The following CCDC13 variants were observed in gnomAD, a reference collection of about 807,000 sequenced individuals.
CCDC13 encodes coiled-coil domain containing 13.
In CCDC13, 70 loss-of-function variants were observed where a neutral mutation model predicts 87.3. The ratio of observed to expected loss-of-function variants is 0.80; its 90% confidence interval spans 0.66 to 0.98. CCDC13 has a LOEUF of 0.98. Ranked by LOEUF, CCDC13 falls within the 50% of genes least tolerant of loss-of-function variation. The pLI is 0.00. For missense variants in CCDC13, 842 were observed against 892.0 expected, an observed-to-expected ratio of 0.94 and a Z score of 0.71; for synonymous variants, 317 against 360.3, an observed-to-expected ratio of 0.88 and a Z score of 1.36.
chr3:42,768,060 C>T (rs762594988), intron 1 of CCDC13, among the ~76,000 whole-genome samples: 3 of 150,754 alleles, frequency 2.0e-5, no homozygotes, highest in Non-Finnish European at 4.4e-5. Context: ...ATCAATGAAA[C>T]CAAATAAAGA....
chr3:42,758,180 C>T lies in CCDC13; in HGVS notation c.166G>A (p.Gly56Ser). 3.1e-6 allele frequency: 5 copies of T among 1,614,088 alleles called. No homozygotes were observed. Among genetic ancestry groups the T allele is most frequent in the Non-Finnish European group, 4.2e-6 (5 of 1,180,032 alleles). The stretch of plus-strand genomic sequence containing the variant: ...TCCCCTGCGTGGAGAAGGCTGAGGC[C>T]ATCTGAAACCTCCAAGGGCTCCTCT... ...DQEEPLEVSD[G>S]LSLLHAGEPN... Residue 56 changes from glycine to serine, a missense_variant, in exon 2 of 16, where the codon GGC becomes AGC. Coordinates refer to ENST00000310232, the MANE Select transcript of CCDC13 (RefSeq NM_144719.4).
chr3:42,739,583 C>G, intron 9 of CCDC13, 51 bp downstream of exon 9: 2 of 1,574,674 alleles, frequency 1.3e-6, no homozygotes, highest in East Asian at 2.2e-5. Flanking sequence ...GGGGCCCATC[C>G]TTTGAGGAAC....
At chr3:42,740,804 C>T (rs556653123) in intron 8 of CCDC13, among the ~76,000 whole-genome samples, 1 of 152,266 alleles carries the variant, frequency 6.6e-6, no homozygotes, top group East Asian at 1.9e-4. Flanking sequence ...CAGTGGGTGA[C>T]ATCACCTGCT....
Position 42,708,734 on chromosome 3 carries a change from TG to T in CCDC13, c.*245del. 1 of 409,994 alleles carries T rather than the reference TG, an allele frequency of 2.4e-6. No individual in the cohort carries two copies. Among genetic ancestry groups the T allele is most frequent in the Non-Finnish European group, 4.3e-6 (1 of 232,868 alleles). The allele number at this position is 409,994 out of a possible 1,614,324, so 25.4% of individuals were successfully genotyped here. On this transcript the variant is annotated 3_prime_UTR_variant, in exon 16 of 16. Coordinates refer to ENST00000310232, the MANE Select transcript of CCDC13 (RefSeq NM_144719.4). The stretch of plus-strand genomic sequence containing the variant: ...GCTCTCGCCTCTGCCAGTGGGCTGC[TG>T]GGCCTCCCTGCTGCTGTAACCCAGC...
At chr3:42,758,633 C>T (rs1420369081) in intron 1 of CCDC13, among the ~76,000 whole-genome samples, 3 of 152,190 alleles carry the variant, frequency 2.0e-5, no homozygotes, top group Non-Finnish European at 4.4e-5. Context: ...TCCCTTAAAT[C>T]AATGGTTCTC....
intron 3 of CCDC13, among the ~76,000 whole-genome samples, chr3:42,755,976 G>C (rs571378037): frequency 6.6e-6 from 1 of 152,308 alleles, no homozygotes; most frequent in African/African-American, 2.4e-5. Flanking sequence ...TCCTTAGCCA[G>C]GCTTTGTGTT....
At chr3:42,758,012 C>T in intron 2 of CCDC13, 113 bp downstream of exon 2, 1 of 840,592 alleles carries the variant, frequency 1.2e-6, no homozygotes, top group Non-Finnish European at 1.8e-6. Flanking sequence ...CTCTAAGCTT[C>T]CTTCTATCAC....
At chr3:42,766,391 A>G (rs1699933167) in intron 1 of CCDC13, among the ~76,000 whole-genome samples, 1 of 151,862 alleles carries the variant, frequency 6.6e-6, no homozygotes, top group Admixed American at 6.6e-5. Flanking sequence ...GGAAGAAGAG[A>G]CAGCTGGAAG....
chr3:42,715,353 C>T (rs1698406877), intron 13 of CCDC13, among the ~76,000 whole-genome samples: 1 of 151,422 alleles, frequency 6.6e-6, no homozygotes, highest in African/African-American at 2.4e-5. Context: ...CACGATGGCT[C>T]ACGCCTGTGC....
chr3:42,726,510 A>T (rs1698692528), intron 13 of CCDC13, among the ~76,000 whole-genome samples: 1 of 152,226 alleles, frequency 6.6e-6, no homozygotes, highest in Non-Finnish European at 1.5e-5. Flanking sequence ...TAAGTCTAAC[A>T]TATATGGACT....
intron 3 of CCDC13, among the ~76,000 whole-genome samples, chr3:42,754,057 C>A (rs1559658565): frequency 6.6e-6 from 1 of 152,196 alleles, no homozygotes; most frequent in South Asian, 2.1e-4. Flanking sequence ...CAGAGGTGGT[C>A]AGATGGTCTG....
intron 3 of CCDC13, among the ~76,000 whole-genome samples, chr3:42,754,533 G>C (rs549331952): frequency 6.6e-6 from 1 of 152,304 alleles, no homozygotes; most frequent in African/African-American, 2.4e-5. Context: ...GCAGAGGTCT[G>C]GTTCTGGTTA....
rs747882392 is a variant in CCDC13 at position 42,739,661 on chromosome 3, A to T, written c.1137T>A (p.His379Gln). The change falls in exon 9 of 16, where the codon CAT becomes CAA. Residue 379 changes from histidine to glutamine, a missense_variant. His to Gln is a conservative substitution (Grantham distance 24). Coordinates refer to ENST00000310232, the MANE Select transcript of CCDC13 (RefSeq NM_144719.4). ...QMGTLVEKGR[H>Q]DDELIDALMD... ...TGAGGGCGTCGATGAGCTCGTCATC[A>T]TGCCGGCCCTTCTCCACCAGGGTTC... The T allele has an allele frequency of 5.0e-6, 8 of 1,614,148 alleles. No individual in the cohort carries two copies. The highest frequency in any genetic ancestry group is 1.7e-5 in the Admixed American group (1 of 60,010).
intron 1 of CCDC13, among the ~76,000 whole-genome samples, chr3:42,762,008 G>A (rs867084626): frequency 2.6e-5 from 4 of 152,190 alleles, no homozygotes; most frequent in Non-Finnish European, 5.9e-5. Context: ...CCCAGAGCCT[G>A]TACCCAGTTA....
At chr3:42,770,989 T>G (rs1335719058) in intron 1 of CCDC13, 1 of 152,242 alleles carries the variant, frequency 6.6e-6, no homozygotes, top group Non-Finnish European at 1.5e-5. Context: ...GTTCTTGAAG[T>G]CAGTGAGACC....
chr3:42,770,180 T>TATCTA (rs1700035077), intron 1 of CCDC13, among the ~76,000 whole-genome samples: 1 of 152,194 alleles, frequency 6.6e-6, no homozygotes, highest in South Asian at 2.1e-4. Flanking sequence ...GGATTGTGAG[T>TATCTA]GCACCAATCA....
In CCDC13 at chr3:42,745,949, G is replaced by T; in HGVS notation, c.799C>A (p.Gln267Lys). ...TTGCTCTGCAAAACAAGAATTTGTT[G>T]AGCCCGACCCCTCCAGGTCCCTGGC... ...SSPGTWRGRA[Q>K]QILVLQSKVQ... The change falls in exon 7 of 16, where the codon CAA becomes AAA. Residue 267 changes from glutamine (Q) to lysine (K), a missense_variant. Gln to Lys is a moderately conservative substitution (Grantham distance 53, BLOSUM62 1). Transcript: ENST00000310232. 6.2e-7 allele frequency: 1 copy of T among 1,614,052 alleles called. No homozygotes were observed. The highest frequency in any genetic ancestry group is 8.5e-7 in the Non-Finnish European group (1 of 1,179,942).
chr3:42,722,043 C>T (rs1255746639), intron 13 of CCDC13, among the ~76,000 whole-genome samples: 1 of 152,198 alleles, frequency 6.6e-6, no homozygotes, highest in Non-Finnish European at 1.5e-5. Context: ...ATTTTACTTA[C>T]CTTGCTTTAC....
rs899743227 is a variant in CCDC13 at position 42,733,675 on chromosome 3, GGAT to G, written c.1372-69_1372-67del. The G allele has an allele frequency of 2.6e-6, 4 of 1,520,472 alleles. No homozygotes were observed. The African/African-American group carries it at 5.6e-5, about 21-fold the overall frequency. The allele number at this position is 1,520,472 out of a possible 1,614,324, so 94.2% of individuals were successfully genotyped here. A position where few individuals can be genotyped will look rare whatever the true frequency, so the allele number is the denominator to read the frequency against. ...TCAGAGGCCTAGAGAAGGCAGGAGGGGATCTTGGCTTGATTTCGGGGCTTTCAG... is the reference window on the plus strand; with the variant it reads ...TCAGAGGCCTAGAGAAGGCAGGAGGGCTTGGCTTGATTTCGGGGCTTTCAG... On this transcript the variant is annotated intron_variant, in intron 10 of 15. Transcript: ENST00000310232.
Sources: allele counts gnomAD v4.1 joint callset (sites outside exome capture counted in the v4.1 genomes callset), GRCh38; gene constraint gnomAD v4.1.1; transcripts MANE v1.5; gene names NCBI Gene and HGNC (gene_info 2026-07-23, HGNC 2026-07-21).